Variants in SPOP observed in about 807,000 individuals in gnomAD.
SPOP encodes the protein speckle type BTB/POZ protein.
A neutral mutation model predicts 45.6 loss-of-function variants in SPOP; 11 were observed. That is an observed-to-expected ratio of 0.24 (90% CI 0.15 to 0.40). SPOP has a LOEUF of 0.40. Ranked by LOEUF, SPOP falls within the 10% of genes least tolerant of loss-of-function variation. The probability of loss-of-function intolerance (pLI) is 1.00; values close to 1 mark genes in which losing one functional copy is unlikely to be tolerated. For missense variants in SPOP, 152 were observed against 465.6 expected, an observed-to-expected ratio of 0.33 and a Z score of 6.20; for synonymous variants, 166 against 166.3, an observed-to-expected ratio of 1.00 and a Z score of 0.01.
intron 8 of SPOP, among the ~76,000 whole-genome samples, chr17:49,605,110 AATC>A (rs1399888396): frequency 2.0e-5 from 3 of 152,238 alleles, no homozygotes; most frequent in Non-Finnish European, 4.4e-5. Flanking sequence ...TATTTTAGGT[AATC>A]ATCATATGTC....
chr17:49,611,928 G>C (rs1466747288), intron 5 of SPOP, among the ~76,000 whole-genome samples: 1 of 151,194 alleles, frequency 6.6e-6, no homozygotes, highest in African/African-American at 2.4e-5. Flanking sequence ...TGTCACCCAG[G>C]ATGGAGTCCA....
chr17:49,639,204 C>T (rs566020644), intron 1 of SPOP, among the ~76,000 whole-genome samples: 1 of 152,224 alleles, frequency 6.6e-6, no homozygotes, highest in East Asian at 1.9e-4. Flanking sequence ...GAAACCAATA[C>T]CTTTAGTCCC....
At chr17:49,609,260 T>C (rs2071917047) in intron 6 of SPOP, among the ~76,000 whole-genome samples, 1 of 152,202 alleles carries the variant, frequency 6.6e-6, no homozygotes, top group South Asian at 2.1e-4. Context: ...CTTAACCCTC[T>C]GAACTTCAGT....
chr17:49,670,947 G>C (rs1343498609), intron 1 of SPOP, among the ~76,000 whole-genome samples: 1 of 152,156 alleles, frequency 6.6e-6, no homozygotes, highest in Non-Finnish European at 1.5e-5. Flanking sequence ...CTTGTGCATA[G>C]ACGCACAGAT....
chr17:49,661,412 C>T (rs1158451540), intron 1 of SPOP, among the ~76,000 whole-genome samples: 1 of 152,172 alleles, frequency 6.6e-6, no homozygotes, highest in African/African-American at 2.4e-5. Context: ...CATTTTCACT[C>T]ATGACATTCC....
At chr17:49,630,534 G>C (rs1297903572) in intron 1 of SPOP, among the ~76,000 whole-genome samples, 1 of 152,098 alleles carries the variant, frequency 6.6e-6, no homozygotes, top group Admixed American at 6.5e-5. Flanking sequence ...AAAGACTGAG[G>C]TTCTCTTATG....
chr17:49,604,643 G>A (rs1354832511), intron 8 of SPOP, among the ~76,000 whole-genome samples: 1 of 152,146 alleles, frequency 6.6e-6, no homozygotes, highest in Non-Finnish European at 1.5e-5. Context: ...AGGGTCTACT[G>A]CTGGCAGGAT....
chr17:49,607,771 A>T, intron 7 of SPOP, 103 bp downstream of exon 7: 1 of 1,138,548 alleles, frequency 8.8e-7, no homozygotes, highest in Non-Finnish European at 1.3e-6. Flanking sequence ...ACTCCATTTT[A>T]GTAAGAAAAA....
intron 1 of SPOP, among the ~76,000 whole-genome samples, chr17:49,656,884 G>A (rs996096982): frequency 3.3e-5 from 5 of 151,966 alleles, no homozygotes; most frequent in African/African-American, 1.2e-4. Context: ...GTTGCTATAC[G>A]AATAAAACTG....
At chr17:49,623,755 C>G (rs2072267465) in intron 1 of SPOP, among the ~76,000 whole-genome samples, 1 of 152,128 alleles carries the variant, frequency 6.6e-6, no homozygotes, top group African/African-American at 2.4e-5. Context: ...CTCGATATTT[C>G]AGATTCTTCT....
Position 49,631,050 on chromosome 17 carries a change from T to A in SPOP, c.-66-8174A>T, listed in dbSNP as rs2072441739. Among the ~76,000 whole-genome samples the A allele has an allele frequency of 2.6e-5, 4 of 152,352 alleles. No individual in the cohort carries two copies. In the South Asian group the frequency reaches 8.3e-4, roughly 32 times the overall value. Reference sequence around the variant, plus strand: ...AAACATTTCTGGTTGGTGTATAAATTGTTACAATCTCTGTGAAGGGCAATG... The same window carrying A: ...AAACATTTCTGGTTGGTGTATAAATAGTTACAATCTCTGTGAAGGGCAATG... On this transcript the variant is annotated intron_variant, in intron 1 of 9. Coordinates refer to ENST00000504102, the MANE Select transcript of SPOP (RefSeq NM_001007228.2).
intron 1 of SPOP, among the ~76,000 whole-genome samples, chr17:49,653,207 T>C (rs1429674413): frequency 6.6e-6 from 1 of 152,184 alleles, no homozygotes; most frequent in Non-Finnish European, 1.5e-5. Flanking sequence ...TTGTATCTAC[T>C]TTTCTTCATA....
In SPOP at chr17:49,621,932, G is replaced by A. The variant is rs751513364; in HGVS notation, c.200+14C>T. The A allele has an allele frequency of 4.2e-5, 68 of 1,611,836 alleles. No individual in the cohort carries two copies. Among genetic ancestry groups the A allele is most frequent in the Middle Eastern group, 3.3e-4 (2 of 6,066 alleles). On this transcript the variant is annotated intron_variant, in intron 3 of 9. Coordinates refer to ENST00000504102, the MANE Select transcript of SPOP (RefSeq NM_001007228.2). The stretch of plus-strand genomic sequence containing the variant: ...TTCAGAAAAATTTTTACAGTTAGAC[G>A]TATTCTTCCTCACCATTTCAGTTTA...
intron 1 of SPOP, among the ~76,000 whole-genome samples, chr17:49,632,958 A>G (rs892020673): frequency 6.6e-6 from 1 of 152,242 alleles, no homozygotes; most frequent in Non-Finnish European, 1.5e-5. Context: ...TAAAAACATG[A>G]CTAGGCATAT....
chr17:49,658,063 A>T (rs1372477386), intron 1 of SPOP, among the ~76,000 whole-genome samples: 1 of 152,200 alleles, frequency 6.6e-6, no homozygotes, highest in Non-Finnish European at 1.5e-5. Context: ...AAATTGGCCA[A>T]ATAAAGTATG....
intron 1 of SPOP, among the ~76,000 whole-genome samples, chr17:49,641,005 G>A (rs190792793): frequency 6.6e-6 from 1 of 152,224 alleles, no homozygotes; most frequent in African/African-American, 2.4e-5. Context: ...GCTCACGCCT[G>A]TAATACCAGC....
At chr17:49,667,325 C>T (rs2073075280) in intron 1 of SPOP, among the ~76,000 whole-genome samples, 2 of 149,364 alleles carry the variant, frequency 1.3e-5, no homozygotes, top group African/African-American at 4.9e-5. Context: ...TACGGTGGCT[C>T]ACGCCTATAA....
In SPOP at chr17:49,624,329, G is replaced by GCA. The variant is rs1159411901; in HGVS notation, c.-66-1454_-66-1453insTG. On this transcript the variant is annotated intron_variant, in intron 1 of 9. Transcript: ENST00000504102. ...CGGGAACACACACACACGCGCGCGC[G>GCA]CGCACACACACACACACACACACAC... is the stretch of plus-strand genomic sequence containing the variant. Among the ~76,000 whole-genome samples the GCA allele has an allele frequency of 4.8e-3, 415 of 85,950 alleles. 1 individual carries two copies. The highest frequency in any genetic ancestry group is 0.016 in the African/African-American group (370 of 22,744). 56.4% of individuals were successfully genotyped at this position (85,950 alleles called of 152,430 possible). A position where few individuals can be genotyped will look rare whatever the true frequency, so the allele number is the denominator to read the frequency against.
chr17:49,607,810 A>C, intron 7 of SPOP, 64 bp downstream of exon 7: 1 of 1,467,788 alleles, frequency 6.8e-7, no homozygotes. Context: ...TCTGCAGCTA[A>C]AGTGGGAAAT....
Sources: gnomAD v4.1 joint callset for allele counts (sites outside exome capture counted in the v4.1 genomes callset) on GRCh38, gnomAD v4.1.1 for gene constraint, MANE v1.5 for transcripts, NCBI Gene and HGNC (gene_info 2026-07-23, HGNC 2026-07-21) for gene names.